The following TMC5 variants were observed in gnomAD, a reference collection of about 807,000 sequenced individuals.
TMC5 encodes transmembrane channel like 5, also known as transmembrane channel-like protein 5.
In TMC5, 86 loss-of-function variants were observed where a neutral mutation model predicts 110.5. The observed-to-expected ratio is 0.78, with a 90% confidence interval of 0.65 to 0.93. The LOEUF is 0.93. TMC5 is among the 40% of genes least tolerant of loss of function. The probability of loss-of-function intolerance (pLI) is 0.00; values close to 1 mark genes in which losing one functional copy is unlikely to be tolerated. For missense variants in TMC5, 1,144 were observed against 1,222.8 expected (o/e 0.94, Z 0.96); for synonymous variants, 455 against 439.5 (o/e 1.04, Z -0.44).
At chr16:19,460,666 A>G (rs543132552) in intron 6 of TMC5, among the ~76,000 whole-genome samples, 2 of 152,324 alleles carry the variant, frequency 1.3e-5, no homozygotes, top group East Asian at 3.9e-4. Context: ...AAGATAAGTC[A>G]TGTGATGGGG....
At chr16:19,459,399 G>C (rs1014880250) in intron 5 of TMC5, among the ~76,000 whole-genome samples, 1 of 152,158 alleles carries the variant, frequency 6.6e-6, no homozygotes, top group Admixed American at 6.6e-5. Context: ...CTTCTAGGAA[G>C]GTGGAAGGGC....
intron 10 of TMC5, among the ~76,000 whole-genome samples, chr16:19,470,867 A>C (rs1377144215): frequency 6.6e-6 from 1 of 151,670 alleles, no homozygotes; most frequent in Non-Finnish European, 1.5e-5. Flanking sequence ...CCCCATCTCT[A>C]CTAAAAAAAG....
chr16:19,491,757 G>A (rs946445918), intron 18 of TMC5, among the ~76,000 whole-genome samples: 4 of 152,054 alleles, frequency 2.6e-5, no homozygotes, highest in African/African-American at 9.7e-5. Flanking sequence ...GGATGATCTC[G>A]ATCTCCTGAC....
At chr16:19,433,195 T>A (rs1967230488) in intron 2 of TMC5, among the ~76,000 whole-genome samples, 1 of 152,248 alleles carries the variant, frequency 6.6e-6, no homozygotes, top group South Asian at 2.1e-4. Context: ...GGTTTGTTTC[T>A]TGCTCATGAA....
chr16:19,477,343 G>T, intron 12 of TMC5, 97 bp from the exon 13 acceptor site: 1 of 918,638 alleles, frequency 1.1e-6, no homozygotes. Context: ...CAGGGGCCAG[G>T]AATTTCTATC....
rs760953105 is a variant in TMC5, at chr16:19,474,277, G to C, written c.2090+1G>C. ...ACGAAGTCTACGTTCTCCTGATCCG[G>C]TAGGTGATGTGTCGCGCCCAACACC... On this transcript the variant is annotated splice_donor_variant, in intron 12 of 21. Coordinates refer to ENST00000542583, the MANE Select transcript of TMC5 (RefSeq NM_001261841.2). LOFTEE classifies it high-confidence loss of function. 5 of 1,613,426 alleles carry C rather than the reference G, an allele frequency of 3.1e-6. No homozygotes were observed. The African/African-American group carries it at 6.7e-5, about 22-fold the overall frequency.
intron 1 of TMC5, among the ~76,000 whole-genome samples, chr16:19,420,824 T>C (rs1597155012): frequency 6.6e-6 from 1 of 152,182 alleles, no homozygotes; most frequent in Admixed American, 6.5e-5. Flanking sequence ...ACCAGAAGAA[T>C]TGGAAGCCCA....
At chr16:19,428,121 G>A (rs9933588) in intron 1 of TMC5, among the ~76,000 whole-genome samples, 7,839 of 152,222 alleles carry the variant, frequency 0.051, 306 homozygotes, top group African/African-American at 0.11. Context: ...AGAAAGGATC[G>A]TGGTAAAAGA....
intron 17 of TMC5, among the ~76,000 whole-genome samples, chr16:19,489,585 C>T (rs551072181): frequency 7.9e-5 from 12 of 151,732 alleles, no homozygotes; most frequent in South Asian, 6.3e-4. Context: ...CCACCCGCCT[C>T]GGCCTCCCAA....
chr16:19,426,265 A>G (rs2143383731), intron 1 of TMC5, among the ~76,000 whole-genome samples: 1 of 152,306 alleles, frequency 6.6e-6, no homozygotes, highest in African/African-American at 2.4e-5. Context: ...TTTTTCCTCT[A>G]AAAGAGGGAG....
At chr16:19,428,361 T>C (rs1018787742) in intron 1 of TMC5, among the ~76,000 whole-genome samples, 1 of 149,752 alleles carries the variant, frequency 6.7e-6, no homozygotes, top group Non-Finnish European at 1.5e-5. Flanking sequence ...CAGGCTGGAG[T>C]ACAGTGGCAT....
chr16:19,469,906 T>G (rs1968287910), intron 10 of TMC5, 81 bp downstream of exon 10: 2 of 1,496,664 alleles, frequency 1.3e-6, no homozygotes, highest in Non-Finnish European at 1.8e-6. Flanking sequence ...TTCTTTTTTT[T>G]TTTTTTGAAT....
chr16:19,445,248 G>C (rs778794221), intron 4 of TMC5, among the ~76,000 whole-genome samples: 13 of 150,008 alleles, frequency 8.7e-5, no homozygotes, highest in Middle Eastern at 3.2e-3. Flanking sequence ...GGAGGCAAAG[G>C]AAATTCTAAA....
intron 9 of TMC5, among the ~76,000 whole-genome samples, chr16:19,466,642 G>A (rs902935883): frequency 4.6e-5 from 7 of 152,228 alleles, no homozygotes; most frequent in Middle Eastern, 3.4e-3. Context: ...GTGAGCCACC[G>A]TGCCCAGCCT....
chr16:19,475,910 G>A (rs1033397433), intron 12 of TMC5, among the ~76,000 whole-genome samples: 1 of 144,380 alleles, frequency 6.9e-6, no homozygotes, highest in East Asian at 2.1e-4. Flanking sequence ...TGACATATTT[G>A]TATTTATTTA....
intron 9 of TMC5, 33 bp from the exon 10 acceptor site, chr16:19,469,648 A>T: frequency 1.2e-6 from 2 of 1,612,580 alleles, no homozygotes; most frequent in Non-Finnish European, 1.7e-6. Context: ...GGCCATAATA[A>T]CCTTCAGGTG....
At chr16:19,419,706 C>T (rs368032116) in intron 1 of TMC5, among the ~76,000 whole-genome samples, 1 of 151,976 alleles carries the variant, frequency 6.6e-6, no homozygotes, top group Non-Finnish European at 1.5e-5. Flanking sequence ...GCCACCGCGC[C>T]GGGCCACTAA....
rs369956293 is a variant in TMC5, at chr16:19,472,149, G to A, written c.1844G>A (p.Arg615His). The A allele has an allele frequency of 6.3e-5, 102 of 1,614,030 alleles. No homozygotes were observed. Among genetic ancestry groups the A allele is most frequent in the Non-Finnish European group, 7.8e-5 (92 of 1,180,024 alleles). Residue 615 changes from arginine to histidine, a missense_variant, in exon 11 of 22, where the codon CGC becomes CAC. Physicochemically the swap from Arg to His is conservative, Grantham distance 29. Transcript: ENST00000542583. Reference sequence around the variant, plus strand: ...TTGACGTTCAATCAGCTGCTGACCCGCTTCTCTGCCTACATGGTAGCCTGG... The same window carrying A: ...TTGACGTTCAATCAGCTGCTGACCCACTTCTCTGCCTACATGGTAGCCTGG... ...SKLTFNQLLT[R>H]FSAYMVAWVV...
chr16:19,414,071 C>T (rs1966865099), upstream of TMC5, among the ~76,000 whole-genome samples: 1 of 152,194 alleles, frequency 6.6e-6, no homozygotes, highest in South Asian at 2.1e-4. Flanking sequence ...AATTCATAAC[C>T]CATCCAATGA....
Sources: gnomAD v4.1 joint callset for allele counts (sites outside exome capture counted in the v4.1 genomes callset) on GRCh38, gnomAD v4.1.1 for gene constraint, MANE v1.5 for transcripts, NCBI Gene and HGNC (gene_info 2026-07-23, HGNC 2026-07-21) for gene names.